Variants in LRRC36 observed in about 807,000 individuals in gnomAD.
The protein encoded by LRRC36 is leucine rich repeat containing 36.
Under a neutral mutation model 81.1 loss-of-function variants are expected in LRRC36, and 62 were observed. That is an observed-to-expected ratio of 0.76 (90% CI 0.62 to 0.94). The LOEUF (loss-of-function observed/expected upper bound fraction) is 0.94. Ranked by LOEUF, LRRC36 falls within the 40% of genes least tolerant of loss-of-function variation. The pLI is 0.00. For synonymous variants in LRRC36, 334 were observed against 348.6 expected, an observed-to-expected ratio of 0.96 and a Z score of 0.47; for missense variants, 761 against 881.7, an observed-to-expected ratio of 0.86 and a Z score of 1.73.
intron 1 of LRRC36, among the ~76,000 whole-genome samples, chr16:67,334,963 A>G (rs2037688027): frequency 6.6e-6 from 1 of 152,156 alleles, no homozygotes. Context: ...GGTCACATAG[A>G]TCACATGCTT....
At position 67,346,278 on chromosome 16, in the gene LRRC36, T is replaced by G; in HGVS notation, c.221T>G (p.Leu74Arg). ...TAGGGAATCCAGTATTTATGTTCAC[T>G]CCAAGACCTGAATTTATATTATAAC... is the stretch of plus-strand genomic sequence containing the variant. ...SLKGIQYLCS[L>R]QDLNLYYNNI... The change falls in exon 3 of 14, where the codon CTC becomes CGC. Residue 74 changes from leucine to arginine, a missense_variant. By Grantham distance (102) the Leu-to-Arg change is moderately radical. Transcript: ENST00000329956. 6.2e-7 allele frequency: 1 copy of G among 1,605,414 alleles called. No homozygotes were observed. Among genetic ancestry groups the G allele is most frequent in the Non-Finnish European group, 8.5e-7 (1 of 1,173,740 alleles).
chr16:67,350,226 C>G lies in LRRC36; in HGVS notation c.513C>G (p.Asn171Lys), dbSNP rs370715985. Reference sequence around the variant, plus strand: ...GCTCTAGGGAGAAGACAATGAAAAACTGTGTAACAGGTGAGAGCTCTGCAT... The same window carrying G: ...GCTCTAGGGAGAAGACAATGAAAAAGTGTGTAACAGGTGAGAGCTCTGCAT... ...EKSSREKTMK[N>K]CVTGESSASK... Residue 171 changes from asparagine to lysine, a missense_variant, in exon 5 of 14, where the codon AAC becomes AAG. By Grantham distance (94) the Asn-to-Lys change is moderately conservative. Transcript: ENST00000329956. The G allele has an allele frequency of 1.9e-6, 3 of 1,602,224 alleles. No homozygotes were observed. The highest frequency in any genetic ancestry group is 1.7e-6 in the Non-Finnish European group (2 of 1,174,932).
chr16:67,362,900 C>G (rs1241211902), intron 5 of LRRC36, among the ~76,000 whole-genome samples: 1 of 152,088 alleles, frequency 6.6e-6, no homozygotes, highest in Non-Finnish European at 1.5e-5. Flanking sequence ...GCCTTAGCCT[C>G]CTGAGTAGCT....
chr16:67,326,930 C>T lies in LRRC36; in HGVS notation c.68C>T (p.Pro23Leu). The T allele has an allele frequency of 6.7e-7, 1 of 1,497,528 alleles. No homozygotes were observed. Among genetic ancestry groups the T allele is most frequent in the Admixed American group, 2.6e-5 (1 of 37,798 alleles). The allele number at this position is 1,497,528 out of a possible 1,614,324, so 92.8% of individuals were successfully genotyped here. Residue 23 changes from proline to leucine, a missense_variant and splice_region_variant, in exon 1 of 14, where the codon CCG becomes CTG. Pro to Leu is a moderately conservative substitution (Grantham distance 98). Transcript: ENST00000329956. ...RRLGALTLEQ[P>L]ELVESLSLQG... is the part of the protein sequence containing the mutation. ...CTGGGGGCGCTGACGCTGGAGCAGCCGGGTAGGGTCTGGCCGGGAGGGTGT... is the reference window on the plus strand; with the variant it reads ...CTGGGGGCGCTGACGCTGGAGCAGCTGGGTAGGGTCTGGCCGGGAGGGTGT...
rs937021656 is a variant in LRRC36, at chr16:67,329,830, ATCGC to A, written c.70+2900_70+2903del. Among the ~76,000 whole-genome samples the A allele has an allele frequency of 1.9e-4, 29 of 152,170 alleles. 1 individual carries two copies. The highest frequency in any genetic ancestry group is 1.4e-3 in the Admixed American group (22 of 15,274). Reference sequence around the variant, plus strand: ...CTACTTGGGAGGCTGAGGCAGGAGAATCGCTTGAACCCGGGAGACGGAGGTTGTA... The same window carrying A: ...CTACTTGGGAGGCTGAGGCAGGAGAATTGAACCCGGGAGACGGAGGTTGTA... On this transcript the variant is annotated intron_variant, in intron 1 of 13. Coordinates refer to ENST00000329956, the MANE Select transcript of LRRC36 (RefSeq NM_018296.6).
chr16:67,345,238 C>T (rs1168914480), intron 2 of LRRC36, among the ~76,000 whole-genome samples: 2 of 150,346 alleles, frequency 1.3e-5, no homozygotes, highest in South Asian at 2.1e-4. Context: ...CACTTGAGCC[C>T]AGGAAGTCAG....
At chr16:67,337,585 C>G (rs1247714976) in intron 1 of LRRC36, among the ~76,000 whole-genome samples, 1 of 151,604 alleles carries the variant, frequency 6.6e-6, no homozygotes, top group Admixed American at 6.6e-5. Flanking sequence ...GTCTCAAACT[C>G]CTGGCCTCAG....
Position 67,356,217 on chromosome 16 carries a change from C to T in LRRC36, c.577+5927C>T, listed in dbSNP as rs557340669. Among the ~76,000 whole-genome samples, 20 of 152,300 alleles carry T rather than the reference C, an allele frequency of 1.3e-4. No homozygotes were observed. The Middle Eastern group carries it at 0.01, about 78-fold the overall frequency. On this transcript the variant is annotated intron_variant, in intron 5 of 13. Coordinates refer to ENST00000329956, the MANE Select transcript of LRRC36 (RefSeq NM_018296.6). ...CAAGGAAAAATCCACCACAGCCACCCTCAGTGGCTCATTCCTGTGTCTAGC... is the reference window on the plus strand; with the variant it reads ...CAAGGAAAAATCCACCACAGCCACCTTCAGTGGCTCATTCCTGTGTCTAGC...
At chr16:67,334,002 T>C (rs2037627696) in intron 1 of LRRC36, among the ~76,000 whole-genome samples, 1 of 152,172 alleles carries the variant, frequency 6.6e-6, no homozygotes, top group Non-Finnish European at 1.5e-5. Flanking sequence ...TTGACAATTA[T>C]GTCGTGTCCA....
At chr16:67,347,438 C>G in intron 3 of LRRC36, 57 bp from the exon 4 acceptor site, 1 of 1,604,780 alleles carries the variant, frequency 6.2e-7, no homozygotes, top group Non-Finnish European at 8.5e-7. Context: ...TGATTAACTA[C>G]TAGTTATGTC....
chr16:67,341,037 C>A lies in LRRC36; in HGVS notation c.71-920C>A, dbSNP rs2038036205. Among the ~76,000 whole-genome samples the A allele has an allele frequency of 4.1e-5, 5 of 122,150 alleles. 2 individuals are homozygous for A. The highest frequency in any genetic ancestry group is 1.6e-4 in the African/African-American group (5 of 31,138). 80.1% of individuals were successfully genotyped at this position (122,150 alleles called of 152,430 possible). A position where few individuals can be genotyped will look rare whatever the true frequency, so the allele number is the denominator to read the frequency against. On this transcript the variant is annotated intron_variant, in intron 1 of 13. Transcript: ENST00000329956. ...CTATAGAATATGTACTCTACATATT[C>A]TATAGAATATGTACTCTACATATTC... is the stretch of plus-strand genomic sequence containing the variant.
chr16:67,346,029 G>GA (rs2038329598), intron 2 of LRRC36, among the ~76,000 whole-genome samples: 2 of 152,138 alleles, frequency 1.3e-5, no homozygotes, highest in Non-Finnish European at 2.9e-5. Flanking sequence ...TGTAAAGAAG[G>GA]AAATGTATTA....
intron 1 of LRRC36, among the ~76,000 whole-genome samples, chr16:67,328,798 G>A (rs377631541): frequency 2.6e-5 from 4 of 151,986 alleles, no homozygotes; most frequent in South Asian, 2.1e-4. Flanking sequence ...CTTCTTTCAC[G>A]TATACCTCAC....
chr16:67,332,693 G>A (rs2037553293), intron 1 of LRRC36, among the ~76,000 whole-genome samples: 1 of 152,034 alleles, frequency 6.6e-6, no homozygotes, highest in Non-Finnish European at 1.5e-5. Flanking sequence ...TTCTTAAAAT[G>A]TTAAAATGTC....
At chr16:67,374,079 C>T (rs2039779633) in intron 9 of LRRC36, among the ~76,000 whole-genome samples, 1 of 151,972 alleles carries the variant, frequency 6.6e-6, no homozygotes, top group Non-Finnish European at 1.5e-5. Flanking sequence ...ACCTGTAGTT[C>T]CAGCTATTCG....
intron 1 of LRRC36, among the ~76,000 whole-genome samples, chr16:67,337,034 G>A (rs529052680): frequency 9.2e-5 from 14 of 152,120 alleles, no homozygotes; most frequent in Non-Finnish European, 1.9e-4. Flanking sequence ...CTCCCAAAGT[G>A]CTGGGATTAC....
chr16:67,385,054 A>G lies in LRRC36; in HGVS notation c.2230A>G (p.Ser744Gly), dbSNP rs16957415. 0.051 allele frequency: 82,336 copies of G among 1,613,852 alleles called. 3,085 individuals carry two copies. The highest frequency in any genetic ancestry group is 0.18 in the African/African-American group (13,789 of 74,946). Residue 744 changes from serine to glycine, a missense_variant, in exon 14 of 14, where the codon AGC (serine) becomes GGC (glycine). Ser to Gly is a moderately conservative substitution (Grantham distance 56, BLOSUM62 0). This residue lies in a region of LRRC36 where 359 missense variants were observed against 388.4 expected (regional missense o/e 0.92). Transcript: ENST00000329956. ...TGAGACTGGTCAGTATCTAATACAG[A>G]GCGTCTTGGATGCTGCCCCAGAGCC... ...AHETGQYLIQ[S>G]VLDAAPEPGL
intron 5 of LRRC36, chr16:67,362,246 T>G: frequency 2.2e-6 from 1 of 450,720 alleles, no homozygotes; most frequent in Non-Finnish European, 4.4e-6. Flanking sequence ...CACTGCAACC[T>G]CTACCTCCTG....
intron 1 of LRRC36, among the ~76,000 whole-genome samples, chr16:67,339,876 C>T (rs906461613): frequency 7.2e-5 from 11 of 152,318 alleles, no homozygotes; most frequent in African/African-American, 2.6e-4. Flanking sequence ...GGCACGGTGG[C>T]TGACGCCTGT....
Sources: gnomAD v4.1 joint callset for allele counts (sites outside exome capture counted in the v4.1 genomes callset) on GRCh38, gnomAD v4.1.1 for gene constraint, gnomAD v4.1.1 regional missense constraint, MANE v1.5 for transcripts, NCBI Gene and HGNC (gene_info 2026-07-23, HGNC 2026-07-21) for gene names.